CMSS1: variants seen among roughly 807,000 people sequenced by gnomAD.
CMSS1 encodes protein CMSS1.
CMSS1 carries 33 observed loss-of-function variants against 43.5 expected under a neutral mutation model. The ratio of observed to expected loss-of-function variants is 0.76; its 90% CI spans 0.57 to 1.01. The LOEUF is 1.01. Among genes scored for constraint, CMSS1 ranks in the 50% least tolerant of loss-of-function variants. CMSS1 has a pLI of 0.00. For missense variants in CMSS1, 313 were observed against 326.4 expected (o/e 0.96, Z 0.32); for synonymous variants, 115 against 117.2 (o/e 0.98, Z 0.12).
At chr3:100,152,663 G>A (rs746586923) in intron 2 of CMSS1, among the ~76,000 whole-genome samples, 3 of 152,130 alleles carry the variant, frequency 2.0e-5, no homozygotes, top group Admixed American at 6.5e-5. Flanking sequence ...TCAATTCAAC[G>A]CCTTCCTGTA....
intron 1 of CMSS1, among the ~76,000 whole-genome samples, chr3:100,035,670 G>A (rs541905770): frequency 1.3e-5 from 2 of 152,308 alleles, no homozygotes; most frequent in African/African-American, 4.8e-5. Flanking sequence ...AGAAGAGGCA[G>A]AAACTTTTAT....
chr3:99,842,868 C>CT (rs1559652343), intron 1 of CMSS1, among the ~76,000 whole-genome samples: 1 of 152,110 alleles, frequency 6.6e-6, no homozygotes, highest in African/African-American at 2.4e-5. Context: ...TTATGAAGTA[C>CT]TTAGAGGTGT....
chr3:99,915,508 T>A (rs1322821218), intron 1 of CMSS1, among the ~76,000 whole-genome samples: 1 of 152,158 alleles, frequency 6.6e-6, no homozygotes, highest in Non-Finnish European at 1.5e-5. Context: ...AAACCCTCAC[T>A]TTGGTTCAGT....
intron 1 of CMSS1, among the ~76,000 whole-genome samples, chr3:100,050,553 A>G (rs1359841268): frequency 6.6e-6 from 1 of 152,100 alleles, no homozygotes; most frequent in Non-Finnish European, 1.5e-5. Flanking sequence ...TTGTTTTGAG[A>G]CAGAGTCTCG....
intron 1 of CMSS1, among the ~76,000 whole-genome samples, chr3:99,939,750 A>G (rs1348564868): frequency 2.0e-5 from 3 of 152,182 alleles, no homozygotes; most frequent in African/African-American, 7.2e-5. Flanking sequence ...TTTCACATGC[A>G]TGTTTCTTGA....
chr3:99,986,076 G>A (rs757084528), intron 1 of CMSS1, among the ~76,000 whole-genome samples: 1 of 152,124 alleles, frequency 6.6e-6, no homozygotes, highest in African/African-American at 2.4e-5. Context: ...ATGTCTATAA[G>A]ATATTAAAAT....
intron 1 of CMSS1, among the ~76,000 whole-genome samples, chr3:100,000,978 A>G (rs1245793593): frequency 1.3e-5 from 2 of 152,352 alleles, no homozygotes; most frequent in Admixed American, 6.5e-5. Context: ...TCTATAAGAT[A>G]ACCTAGTTAC....
At chr3:99,972,409 T>C (rs1463196241) in intron 1 of CMSS1, among the ~76,000 whole-genome samples, 3 of 152,234 alleles carry the variant, frequency 2.0e-5, no homozygotes, top group Non-Finnish European at 4.4e-5. Context: ...GAGAAGCCTC[T>C]GTCTTGCAGC....
chr3:99,874,053 T>C (rs989665716), intron 1 of CMSS1, among the ~76,000 whole-genome samples: 1 of 152,222 alleles, frequency 6.6e-6, no homozygotes, highest in African/African-American at 2.4e-5. Flanking sequence ...ATACTTAGCT[T>C]TCAGTTTTAA....
intron 2 of CMSS1, among the ~76,000 whole-genome samples, chr3:100,152,780 A>G (rs1269164034): frequency 6.6e-6 from 1 of 152,230 alleles, no homozygotes; most frequent in African/African-American, 2.4e-5. Flanking sequence ...AGAAAACTGT[A>G]TTGCTAAACT....
intron 1 of CMSS1, among the ~76,000 whole-genome samples, chr3:99,900,842 T>C (rs1706412034): frequency 6.6e-6 from 1 of 152,222 alleles, no homozygotes; most frequent in South Asian, 2.1e-4. Flanking sequence ...TAAAAGCTTC[T>C]CTGGTGATTC....
intron 1 of CMSS1, among the ~76,000 whole-genome samples, chr3:99,950,998 C>A (rs994607470): frequency 4.6e-5 from 7 of 152,296 alleles, no homozygotes; most frequent in Admixed American, 2.6e-4. Flanking sequence ...GGATCCAAGC[C>A]CTGCTTGGTT....
intron 1 of CMSS1, among the ~76,000 whole-genome samples, chr3:100,062,261 G>T (rs1022134542): frequency 3.3e-5 from 5 of 151,376 alleles, no homozygotes; most frequent in Admixed American, 3.3e-4. Context: ...ACAGGCGCTC[G>T]CCACCACGCC....
At chr3:100,115,660 G>A (rs927258488) in intron 1 of CMSS1, among the ~76,000 whole-genome samples, 2 of 141,222 alleles carry the variant, frequency 1.4e-5, no homozygotes, top group African/African-American at 5.3e-5. Flanking sequence ...TTCCACCCGT[G>A]AGTTTATTTT....
intron 1 of CMSS1, among the ~76,000 whole-genome samples, chr3:99,953,791 A>G (rs1708245000): frequency 6.6e-6 from 1 of 152,206 alleles, no homozygotes. Flanking sequence ...AACAGTCCAC[A>G]TAGGCAATTA....
intron 1 of CMSS1, among the ~76,000 whole-genome samples, chr3:100,090,867 A>G (rs1025311342): frequency 6.6e-6 from 1 of 152,250 alleles, no homozygotes; most frequent in East Asian, 1.9e-4. Flanking sequence ...GCTTCATTCC[A>G]TCCCATGTAG....
At chr3:100,130,931 G>A (rs114680351) in intron 1 of CMSS1, among the ~76,000 whole-genome samples, 1,897 of 152,284 alleles carry the variant, frequency 0.012, 33 homozygotes, top group African/African-American at 0.043. Context: ...TGCATGAAGT[G>A]ATGGGTTGGG....
intron 1 of CMSS1, among the ~76,000 whole-genome samples, chr3:100,056,701 T>TAA (rs71299385): frequency 1.1e-4 from 16 of 145,502 alleles, no homozygotes; most frequent in Non-Finnish European, 1.2e-4. Context: ...TCTAGACCAT[T>TAA]AAAAAAAAAA....
intron 1 of CMSS1, among the ~76,000 whole-genome samples, chr3:100,094,872 T>C (rs1484681618): frequency 1.3e-5 from 2 of 151,882 alleles, no homozygotes; most frequent in African/African-American, 4.8e-5. Context: ...GTTTTTTTAG[T>C]AGAGACGGGG....
Sources: allele counts gnomAD v4.1 joint callset (sites outside exome capture counted in the v4.1 genomes callset), GRCh38; gene constraint gnomAD v4.1.1; transcripts MANE v1.5; gene names NCBI Gene and HGNC (gene_info 2026-07-23, HGNC 2026-07-21).